Variants in MYO16 observed in about 807,000 individuals in gnomAD.
MYO16 encodes the protein myosin XVI.
Under a neutral mutation model 205.3 loss-of-function variants are expected in MYO16, and 94 were observed. The observed-to-expected ratio is 0.46, with a 90% confidence interval of 0.39 to 0.54. The LOEUF (loss-of-function observed/expected upper bound fraction) is 0.54. MYO16 is among the 20% of genes least tolerant of loss of function. The pLI, the probability that MYO16 is intolerant of heterozygous loss-of-function variation, is 0.00. For synonymous variants in MYO16, 988 were observed against 954.0 expected, an observed-to-expected ratio of 1.04 and a Z score of -0.66; for missense variants, 2,315 against 2,387.5, an observed-to-expected ratio of 0.97 and a Z score of 0.63.
chr13:108,820,516 A>G, intron 8 of MYO16, 104 bp downstream of exon 8: 1 of 916,120 alleles, frequency 1.1e-6, no homozygotes, highest in Non-Finnish European at 1.7e-6. Flanking sequence ...AGAGCTGGAC[A>G]TGCCTGTGAA....
intron 1 of MYO16, among the ~76,000 whole-genome samples, chr13:108,653,184 A>G (rs1265307656): frequency 6.6e-6 from 1 of 152,180 alleles, no homozygotes; most frequent in African/African-American, 2.4e-5. Context: ...TTTGTATATC[A>G]TCTTTGGAAA....
At chr13:109,100,956 G>T in intron 28 of MYO16, 69 bp downstream of exon 28, 1 of 1,364,028 alleles carries the variant, frequency 7.3e-7, no homozygotes, top group South Asian at 1.2e-5. Flanking sequence ...TCATTGCAGG[G>T]AGCCACCAGA....
chr13:108,676,403 G>GTGTGTGTGTGTGTT (rs143639000), intron 2 of MYO16, among the ~76,000 whole-genome samples: 9,150 of 148,232 alleles, frequency 0.062, 328 homozygotes, highest in African/African-American at 0.099. Context: ...GTGTGTGTGT[G>GTGTGTGTGTGTGTT]TGTGCCAGCC....
chr13:109,084,012 T>C (rs1164314437), intron 27 of MYO16, among the ~76,000 whole-genome samples: 1 of 152,208 alleles, frequency 6.6e-6, no homozygotes, highest in Non-Finnish European at 1.5e-5. Flanking sequence ...CATTTTGTCA[T>C]TTTTACTGAA....
chr13:109,176,178 T>C (rs570972487), intron 33 of MYO16, among the ~76,000 whole-genome samples: 35 of 152,316 alleles, frequency 2.3e-4, no homozygotes, highest in Admixed American at 2.0e-3. Flanking sequence ...TTTTGATAGA[T>C]AGAATGAATG....
intron 27 of MYO16, among the ~76,000 whole-genome samples, chr13:109,056,325 A>G (rs1195321865): frequency 6.6e-6 from 1 of 152,126 alleles, no homozygotes; most frequent in Non-Finnish European, 1.5e-5. Flanking sequence ...GCCATTTGCA[A>G]GAAGCACCTA....
chr13:109,055,781 A>G lies in MYO16; in HGVS notation c.3335+186A>G. The G allele has an allele frequency of 1.7e-6, 1 of 577,642 alleles. No individual in the cohort carries two copies. The highest frequency in any genetic ancestry group is 3.1e-6 in the Non-Finnish European group (1 of 327,574). 35.8% of individuals were successfully genotyped at this position (577,642 alleles called of 1,614,324 possible). A position where few individuals can be genotyped will look rare whatever the true frequency, so the allele number is the denominator to read the frequency against. ...TGAAATACACTGACAAAGCTCACAT[A>G]AAAAATAATTAAACTGTACTGAGGA... On this transcript the variant is annotated intron_variant, in intron 27 of 34. Transcript: ENST00000457511. The surrounding 1 kb of genome is among the most constrained non-coding windows in gnomAD (Gnocchi z 5.0).
At chr13:108,909,905 C>T in intron 15 of MYO16, 98 bp from the exon 16 acceptor site, 3 of 1,262,084 alleles carry the variant, frequency 2.4e-6, no homozygotes, top group South Asian at 1.5e-5. Context: ...GAGAACTCAA[C>T]AGTCCTTGTA....
the MYO16 span, among the ~76,000 whole-genome samples, chr13:108,559,246 C>A: frequency 2.0e-3 from 302 of 152,070 alleles, 1 homozygote; most frequent in South Asian, 3.5e-3. Context: ...GAGCACTCTG[C>A]GTGACCACAG....
At chr13:109,182,936 C>T (rs989974627) in intron 34 of MYO16, among the ~76,000 whole-genome samples, 1 of 152,208 alleles carries the variant, frequency 6.6e-6, no homozygotes, top group Non-Finnish European at 1.5e-5. Flanking sequence ...TGTTCCTTTG[C>T]ACTTCCCAAG....
intron 23 of MYO16, among the ~76,000 whole-genome samples, chr13:109,022,687 C>CAT (rs200959040): frequency 0.75 from 82,454 of 109,922 alleles, 33,041 homozygotes; most frequent in Non-Finnish European, 0.78. Context: ...CACATATAAA[C>CAT]ATGTATATAT....
chr13:108,817,727 A>G (rs1349424001), intron 7 of MYO16, among the ~76,000 whole-genome samples: 4 of 152,188 alleles, frequency 2.6e-5, no homozygotes, highest in African/African-American at 9.6e-5. Flanking sequence ...AACACAGTTG[A>G]GGTCTTTTAA....
At position 109,125,203 on chromosome 13, in the gene MYO16, C is replaced by T; in HGVS notation, c.3627C>T (p.Asn1209=). ...CTTCTATCAATAGCTTTCTGCAGAA[C>T]ACAGAGGACATGGGGCTGAAAACCT... ...EVTSINSFLQ[N]TEDMGLKTYD... The change falls in exon 30 of 35, where the codon AAC becomes AAT. Residue 1209 remains asparagine, a synonymous_variant. Transcript: ENST00000457511. The surrounding 1 kb of genome is among the most constrained non-coding windows in gnomAD (Gnocchi z 4.0). 6.2e-7 allele frequency: 1 copy of T among 1,614,152 alleles called. No homozygotes were observed. Among genetic ancestry groups the T allele is most frequent in the Admixed American group, 1.7e-5 (1 of 60,020 alleles).
chr13:109,128,514 G>A (rs1439124402), intron 31 of MYO16, among the ~76,000 whole-genome samples: 3 of 151,710 alleles, frequency 2.0e-5, no homozygotes, highest in Non-Finnish European at 4.4e-5. Flanking sequence ...CTCAAACGTT[G>A]GGATGACTGA....
chr13:108,926,264 A>G (rs1380613697), intron 16 of MYO16, among the ~76,000 whole-genome samples: 2 of 152,206 alleles, frequency 1.3e-5, no homozygotes, highest in East Asian at 1.9e-4. Context: ...AGTCTGTTGC[A>G]CAGAGTCGCA....
At chr13:108,616,426 G>A (rs186584658) in intron 1 of MYO16, among the ~76,000 whole-genome samples, 4 of 152,168 alleles carry the variant, frequency 2.6e-5, no homozygotes, top group Admixed American at 2.0e-4. Flanking sequence ...TGAAATCATC[G>A]AGAGAACTGT....
At chr13:108,985,699 T>G (rs1566446111) in intron 20 of MYO16, among the ~76,000 whole-genome samples, 1 of 152,230 alleles carries the variant, frequency 6.6e-6, no homozygotes, top group Non-Finnish European at 1.5e-5. Context: ...TTGAGCTTCT[T>G]GTAGTAGCCA....
chr13:109,100,125 A>G lies in MYO16; in HGVS notation c.3336-660A>G, dbSNP rs76977838. ...GGTTAACCACTGTAAGTGCAAAGGG[A>G]ATTTTACATAGATTTTTTTTAAATG... is the stretch of plus-strand genomic sequence containing the variant. On this transcript the variant is annotated intron_variant, in intron 27 of 34. Transcript: ENST00000457511. Among the ~76,000 whole-genome samples, 921 of 152,292 alleles carry G rather than the reference A, an allele frequency of 6.0e-3. 12 individuals are homozygous for G. Among genetic ancestry groups the G allele is most frequent in the African/African-American group, 0.021 (872 of 41,554 alleles).
At chr13:108,580,169 A>G in the MYO16 span, among the ~76,000 whole-genome samples, 2 of 152,210 alleles carry the variant, frequency 1.3e-5, no homozygotes, top group Non-Finnish European at 2.9e-5. Flanking sequence ...GAAACACTTA[A>G]ACAGGAACAT....
Sources: allele counts gnomAD v4.1 joint callset (sites outside exome capture counted in the v4.1 genomes callset), GRCh38; gene constraint gnomAD v4.1.1; non-coding constraint Gnocchi (gnomAD v3.1); transcripts MANE v1.5; gene names NCBI Gene and HGNC (gene_info 2026-07-23, HGNC 2026-07-21).